DNAAF1: variants seen among roughly 807,000 people sequenced by gnomAD.
The protein encoded by DNAAF1 is dynein axonemal assembly factor 1, also known as dynein assembly factor 1, axonemal.
In DNAAF1, 65 loss-of-function variants were observed where a neutral mutation model predicts 71.1. The ratio of observed to expected loss-of-function variants is 0.91; its 90% CI spans 0.75 to 1.12. DNAAF1 has a LOEUF of 1.12. Among genes scored for constraint, DNAAF1 ranks in the 50% most tolerant of loss-of-function variants. DNAAF1 has a pLI of 0.00. For missense variants in DNAAF1, 1,178 were observed against 899.8 expected (o/e 1.31, Z -3.96); for synonymous variants, 414 against 354.6 (o/e 1.17, Z -1.88).
intron 10 of DNAAF1, 138 bp downstream of exon 10, chr16:84,174,860 T>A: frequency 8.7e-7 from 1 of 1,154,710 alleles, no homozygotes; most frequent in Non-Finnish European, 1.3e-6. Flanking sequence ...ATTCTTTTTC[T>A]TTTCTTTTCT....
chr16:84,169,743 G>A, intron 7 of DNAAF1, 116 bp from the exon 8 acceptor site: 1 of 1,470,160 alleles, frequency 6.8e-7, no homozygotes, highest in Non-Finnish European at 9.5e-7. Context: ...TTTTTTAACT[G>A]TGTTCCTGAC....
chr16:84,176,258 G>T lies in DNAAF1; in HGVS notation c.2024G>T (p.Ser675Ile), dbSNP rs2288023. ...AGAGATGCTGCACCACTCACTTCCA[G>T]TGGAGACAGGGACAGCGACTTCCTT... ...CQRDAAPLTS[S>I]GDRDSDFLAA... The change falls in exon 11 of 12, where the codon AGT becomes ATT. Residue 675 changes from serine (S) to isoleucine (I), a missense_variant. Ser to Ile is a moderately radical substitution (Grantham distance 142, BLOSUM62 -2). Transcript: ENST00000378553. The T allele has an allele frequency of 6.2e-7, 1 of 1,613,312 alleles. No individual in the cohort carries two copies. The highest frequency in any genetic ancestry group is 8.5e-7 in the Non-Finnish European group (1 of 1,179,948).
rs141376228 is a variant in DNAAF1 at position 84,162,591 on chromosome 16, C to T, written c.863+2795C>T. On this transcript the variant is annotated intron_variant, in intron 6 of 11. Coordinates refer to ENST00000378553, the MANE Select transcript of DNAAF1 (RefSeq NM_178452.6). ...ATCCCAGCACTTTGGGAGGCGGGGG[C>T]GGGCAGATCACCAGGTCAAGAGATT... Among the ~76,000 whole-genome samples, 692 of 151,698 alleles carry T rather than the reference C, an allele frequency of 4.6e-3. 2 individuals carry two copies. The highest frequency in any genetic ancestry group is 6.7e-3 in the Non-Finnish European group (454 of 67,928).
At chr16:84,161,589 T>G (rs1340267477) in intron 6 of DNAAF1, among the ~76,000 whole-genome samples, 1 of 151,850 alleles carries the variant, frequency 6.6e-6, no homozygotes, top group East Asian at 1.9e-4. Flanking sequence ...CAGTCTCAAA[T>G]TTCTGGCCTC....
At chr16:84,173,750 G>A (rs142547160) in intron 9 of DNAAF1, 3,420 of 158,784 alleles carry the variant, frequency 0.022, 115 homozygotes, top group African/African-American at 0.078. Flanking sequence ...CCAGCTACTC[G>A]GGAGGCTGAG....
At chr16:84,160,626 T>A (rs969098038) in intron 6 of DNAAF1, among the ~76,000 whole-genome samples, 5 of 152,172 alleles carry the variant, frequency 3.3e-5, no homozygotes, top group Non-Finnish European at 7.3e-5. Flanking sequence ...AAATAGAGCT[T>A]CCACTTTAGC....
chr16:84,169,711 G>A (rs1273794195), intron 7 of DNAAF1, 148 bp from the exon 8 acceptor site: 26 of 1,140,826 alleles, frequency 2.3e-5, no homozygotes, highest in South Asian at 1.5e-4. Flanking sequence ...ACGAGCCACC[G>A]CGCCCAGCCC....
At chr16:84,146,371 C>G (rs1050305551) in intron 1 of DNAAF1, among the ~76,000 whole-genome samples, 2 of 152,126 alleles carry the variant, frequency 1.3e-5, no homozygotes, top group African/African-American at 4.8e-5. Context: ...AGACTTGGTT[C>G]TGGGGTCAGT....
intron 6 of DNAAF1, among the ~76,000 whole-genome samples, chr16:84,164,971 G>A (rs993335413): frequency 6.6e-6 from 1 of 152,164 alleles, no homozygotes; most frequent in Non-Finnish European, 1.5e-5. Context: ...GCCATATCAT[G>A]TTATCTTATT....
In DNAAF1 at chr16:84,170,053, G is replaced by T. The variant is rs950151051; in HGVS notation, c.1225G>T (p.Gly409Cys). 2.5e-6 allele frequency: 4 copies of T among 1,613,764 alleles called. No individual in the cohort carries two copies. Among genetic ancestry groups the T allele is most frequent in the African/African-American group, 1.3e-5 (1 of 74,930 alleles). ...PPVEAKREDG[G>C]PEPEGTLPAE... ...TGTGGAGGCTAAAAGAGAGGATGGAGGTCCAGAGCCAGAGGGGACCCTCCC... is the reference window on the plus strand; with the variant it reads ...TGTGGAGGCTAAAAGAGAGGATGGATGTCCAGAGCCAGAGGGGACCCTCCC... Residue 409 changes from glycine (G) to cysteine (C), a missense_variant, in exon 8 of 12, where the codon GGT (glycine) becomes TGT (cysteine). Coordinates refer to ENST00000378553, the MANE Select transcript of DNAAF1 (RefSeq NM_178452.6).
chr16:84,159,281 G>C, intron 5 of DNAAF1: 2 of 1,095,488 alleles, frequency 1.8e-6, no homozygotes, highest in Non-Finnish European at 1.1e-6. Context: ...TGTGCGTTTT[G>C]GTAAAATGGA....
intron 5 of DNAAF1, among the ~76,000 whole-genome samples, chr16:84,156,088 G>T (rs976957448): frequency 6.6e-6 from 1 of 152,024 alleles, no homozygotes. Context: ...TCAGCATCCC[G>T]AGTAGCTGGG....
Position 84,175,995 on chromosome 16 carries a change from G to A in DNAAF1, c.1761G>A (p.Leu587=). 2 of 1,614,058 alleles carry A rather than the reference G, an allele frequency of 1.2e-6. No individual in the cohort carries two copies. Among genetic ancestry groups the A allele is most frequent in the Non-Finnish European group, 1.7e-6 (2 of 1,179,950 alleles). The change falls in exon 11 of 12, where the codon CTG becomes CTA. Residue 587 remains leucine, a synonymous_variant. Coordinates refer to ENST00000378553, the MANE Select transcript of DNAAF1 (RefSeq NM_178452.6). ...TGAGTGATGACAGTGACCCTGAACT[G>A]GACTACACGTCACTCCCTGTGCTGG... ...SSLSDDSDPE[L]DYTSLPVLEN...
chr16:84,165,976 C>G (rs750603248), intron 7 of DNAAF1, 27 bp downstream of exon 7: 89 of 1,611,858 alleles, frequency 5.5e-5, no homozygotes, highest in Middle Eastern at 1.8e-4. Flanking sequence ...AGACAACAGC[C>G]CCAGAGTTCC....
At chr16:84,169,551 C>T (rs955054412) in intron 7 of DNAAF1, among the ~76,000 whole-genome samples, 6 of 152,102 alleles carry the variant, frequency 3.9e-5, no homozygotes, top group Admixed American at 6.5e-5. Flanking sequence ...TCTTGAGTAG[C>T]TGGGGCTACA....
At chr16:84,148,962 G>T (rs748892828) in intron 1 of DNAAF1, 45 bp from the exon 2 acceptor site, 7 of 1,610,090 alleles carry the variant, frequency 4.3e-6, no homozygotes, top group Admixed American at 1.7e-5. Flanking sequence ...GTATTTTTTG[G>T]CATATATCTT....
chr16:84,164,865 C>T (rs2087889831), intron 6 of DNAAF1, among the ~76,000 whole-genome samples: 1 of 152,208 alleles, frequency 6.6e-6, no homozygotes, highest in Non-Finnish European at 1.5e-5. Context: ...GTGGCTGTAC[C>T]ATTTCGCATT....
chr16:84,174,666 C>T lies in DNAAF1; in HGVS notation c.1645-3C>T, dbSNP rs907407703. 8.7e-6 allele frequency: 14 copies of T among 1,614,148 alleles called. No homozygotes were observed. The highest frequency in any genetic ancestry group is 9.3e-6 in the Non-Finnish European group (11 of 1,180,012). On this transcript the variant is annotated splice_polypyrimidine_tract_variant and splice_region_variant and intron_variant, in intron 9 of 11. Transcript: ENST00000378553. ...GTGATGTGCGGCTCACTTGCTCTTT[C>T]AGGACCTACCTGACTTGGAAGATGA...
intron 6 of DNAAF1, 38 bp downstream of exon 6, chr16:84,159,834 T>G: frequency 6.2e-7 from 1 of 1,610,450 alleles, no homozygotes; most frequent in Non-Finnish European, 8.5e-7. Flanking sequence ...ATTTTAATAT[T>G]TAGTAGTTGA....
Sources: allele counts gnomAD v4.1 joint callset (sites outside exome capture counted in the v4.1 genomes callset), GRCh38; gene constraint gnomAD v4.1.1; transcripts MANE v1.5; gene names NCBI Gene and HGNC (gene_info 2026-07-23, HGNC 2026-07-21).